RBFOX1: variants seen among roughly 807,000 people sequenced by gnomAD.
RBFOX1 encodes RNA binding fox-1 homolog 1.
RBFOX1 carries 8 observed loss-of-function variants against 57.7 expected under a neutral mutation model. The ratio of observed to expected loss-of-function variants is 0.14; its 90% CI spans 0.08 to 0.25. The LOEUF is 0.25. Ranked by LOEUF, RBFOX1 falls within the 10% of genes least tolerant of loss-of-function variation. RBFOX1 has a pLI of 1.00. For synonymous variants in RBFOX1, 326 were observed against 222.4 expected, an observed-to-expected ratio of 1.47 and a Z score of -4.15; for missense variants, 611 against 548.5, an observed-to-expected ratio of 1.11 and a Z score of -1.14.
intron 2 of RBFOX1, among the ~76,000 whole-genome samples, chr16:6,607,634 T>A (rs561669368): frequency 6.6e-6 from 1 of 151,908 alleles, no homozygotes; most frequent in Admixed American, 6.6e-5. Flanking sequence ...TCCTCCTCTA[T>A]CTCTCCTCTC....
intron 1 of RBFOX1, among the ~76,000 whole-genome samples, chr16:6,257,569 C>T (rs892673824): frequency 6.6e-6 from 1 of 152,156 alleles, no homozygotes; most frequent in African/African-American, 2.4e-5. Flanking sequence ...TCCTCTCCCA[C>T]TTCCCATCCT....
At chr16:5,313,493 T>G (rs972987715) in intron 1 of RBFOX1, among the ~76,000 whole-genome samples, 2 of 152,094 alleles carry the variant, frequency 1.3e-5, no homozygotes, top group African/African-American at 4.8e-5. Flanking sequence ...ACCCATGACT[T>G]ACAAGAAGAC....
chr16:6,572,663 G>C (rs1600237441), intron 2 of RBFOX1, among the ~76,000 whole-genome samples: 1 of 151,798 alleles, frequency 6.6e-6, no homozygotes, highest in African/African-American at 2.4e-5. Flanking sequence ...CACTATCTCA[G>C]CTCACCGCAA....
At chr16:6,800,770 T>A (rs2085242780) in intron 3 of RBFOX1, among the ~76,000 whole-genome samples, 1 of 152,164 alleles carries the variant, frequency 6.6e-6, no homozygotes, top group Admixed American at 6.5e-5. Flanking sequence ...TAGAAAGCAG[T>A]AGATGACAAA....
intron 1 of RBFOX1, among the ~76,000 whole-genome samples, chr16:5,399,418 G>A (rs1411370319): frequency 1.3e-5 from 2 of 152,156 alleles, no homozygotes; most frequent in Non-Finnish European, 2.9e-5. Flanking sequence ...TAGAAAATTT[G>A]GGAAATGGAA....
At chr16:6,804,655 C>T (rs1401196478) in intron 3 of RBFOX1, among the ~76,000 whole-genome samples, 3 of 152,126 alleles carry the variant, frequency 2.0e-5, no homozygotes, top group African/African-American at 7.2e-5. Context: ...ATGAACTATT[C>T]ATTAGAACAG....
chr16:6,254,245 A>G (rs896676183), intron 1 of RBFOX1, among the ~76,000 whole-genome samples: 1 of 152,192 alleles, frequency 6.6e-6, no homozygotes, highest in Non-Finnish European at 1.5e-5. Context: ...GCCTGGATCC[A>G]TGTGAACTAA....
At chr16:6,774,866 G>C (rs190769535) in intron 3 of RBFOX1, among the ~76,000 whole-genome samples, 9 of 151,978 alleles carry the variant, frequency 5.9e-5, no homozygotes, top group Admixed American at 5.2e-4. Context: ...GTGCAACTGA[G>C]GGGCTTTTAA....
intron 1 of RBFOX1, among the ~76,000 whole-genome samples, chr16:5,453,333 TGAGA>T (rs1275542037): frequency 2.6e-5 from 4 of 152,098 alleles, no homozygotes; most frequent in South Asian, 2.1e-4. Context: ...CAGGGTGATA[TGAGA>T]GAGATTGATG....
intron 1 of RBFOX1, among the ~76,000 whole-genome samples, chr16:6,039,663 C>T (rs767912700): frequency 1.4e-4 from 21 of 152,320 alleles, no homozygotes; most frequent in Non-Finnish European, 2.4e-4. Flanking sequence ...AAGTTACAAA[C>T]GTTTCAAATT....
chr16:6,614,290 A>G (rs1187807473), intron 2 of RBFOX1, among the ~76,000 whole-genome samples: 1 of 152,046 alleles, frequency 6.6e-6, no homozygotes, highest in African/African-American at 2.4e-5. Flanking sequence ...ATCCCTTCTG[A>G]GTCTTACACT....
intron 2 of RBFOX1, among the ~76,000 whole-genome samples, chr16:6,431,864 A>G (rs1004693756): frequency 2.1e-5 from 3 of 143,474 alleles, no homozygotes; most frequent in Admixed American, 6.9e-5. Flanking sequence ...GAGTTTATTT[A>G]TGAACATGTC....
At chr16:7,487,974 T>C (rs1036882919) in intron 4 of RBFOX1, among the ~76,000 whole-genome samples, 1 of 152,180 alleles carries the variant, frequency 6.6e-6, no homozygotes, top group Non-Finnish European at 1.5e-5. Flanking sequence ...CAGGGCCTCT[T>C]TTCTAATTAA....
At chr16:7,640,817 A>G (rs930312324) in intron 11 of RBFOX1, among the ~76,000 whole-genome samples, 3 of 152,238 alleles carry the variant, frequency 2.0e-5, no homozygotes, top group South Asian at 2.1e-4. Context: ...AAATCCTTCA[A>G]TAGTTTGAGA....
intron 4 of RBFOX1, among the ~76,000 whole-genome samples, chr16:7,195,016 TA>T (rs2086341240): frequency 6.6e-6 from 1 of 151,694 alleles, no homozygotes; most frequent in Non-Finnish European, 1.5e-5. Flanking sequence ...GATTGGTTCT[TA>T]ATTAGTTGTT....
rs144967120 is a variant in RBFOX1, at chr16:5,594,939, C to G, written c.259-3963C>G. Among the ~76,000 whole-genome samples the G allele has an allele frequency of 5.7e-3, 831 of 146,138 alleles. 8 individuals carry two copies. The highest frequency in any genetic ancestry group is 0.02 in the African/African-American group (780 of 39,056). ...TTGAGGTCAGGAGTTGGAGACCAGC[C>G]TGGCCAACATGGTAAAACCCTGTCT... On this transcript the variant is annotated intron_variant, in intron 2 of 2. Transcript: ENST00000585867.
At chr16:5,887,236 T>C (rs1327139768) in intron 4 of RBFOX1, among the ~76,000 whole-genome samples, 4 of 152,200 alleles carry the variant, frequency 2.6e-5, no homozygotes, top group African/African-American at 9.7e-5. Flanking sequence ...GAATCCCCCA[T>C]GCATGGCAGC....
intron 3 of RBFOX1, among the ~76,000 whole-genome samples, chr16:6,733,824 C>A (rs2069328075): frequency 6.6e-6 from 1 of 152,226 alleles, no homozygotes; most frequent in African/African-American, 2.4e-5. Flanking sequence ...TGACTTGCTG[C>A]TGGAAAGCAG....
chr16:7,517,625 A>G (rs910457938), intron 4 of RBFOX1, among the ~76,000 whole-genome samples: 8 of 152,002 alleles, frequency 5.3e-5, no homozygotes, highest in East Asian at 1.9e-4. Context: ...GATACTCCCT[A>G]TTCCCATTAT....
Sources: allele counts gnomAD v4.1 joint callset (sites outside exome capture counted in the v4.1 genomes callset), GRCh38; gene constraint gnomAD v4.1.1; transcripts MANE v1.5; gene names NCBI Gene and HGNC (gene_info 2026-07-23, HGNC 2026-07-21).